METTL15: variants seen among roughly 807,000 people sequenced by gnomAD.
METTL15 encodes 12S rRNA N(4)-cytidine methyltransferase METTL15.
A neutral mutation model predicts 38.3 loss-of-function variants in METTL15; 34 were observed. That is an observed-to-expected ratio of 0.89 (90% CI 0.68 to 1.18). METTL15 has a LOEUF of 1.18. Ranked by LOEUF, METTL15 falls within the 50% of genes most tolerant of loss-of-function variation. METTL15 has a pLI of 0.00. For missense variants in METTL15, 438 were observed against 498.4 expected, an observed-to-expected ratio of 0.88 and a Z score of 1.15; for synonymous variants, 162 against 170.9, an observed-to-expected ratio of 0.95 and a Z score of 0.41.
intron 4 of METTL15, among the ~76,000 whole-genome samples, chr11:28,241,770 G>C (rs1854310183): frequency 1.3e-5 from 2 of 152,130 alleles, no homozygotes; most frequent in South Asian, 4.1e-4. Context: ...TACCACATGT[G>C]CCTGGTTTCA....
chr11:28,123,205 T>C (rs1333059536), intron 3 of METTL15, among the ~76,000 whole-genome samples: 1 of 152,148 alleles, frequency 6.6e-6, no homozygotes, highest in Non-Finnish European at 1.5e-5. Flanking sequence ...TCCTCAGTAC[T>C]TGTTACTCTC....
chr11:28,431,776 T>TA (rs34283925), intron 6 of METTL15, among the ~76,000 whole-genome samples: 24,758 of 50,676 alleles, frequency 0.49, 5,148 homozygotes, highest in African/African-American at 0.65. Context: ...GAATTATCAA[T>TA]AAAAAAATAA....
chr11:28,251,635 A>G (rs554536890), intron 4 of METTL15, among the ~76,000 whole-genome samples: 7 of 152,032 alleles, frequency 4.6e-5, no homozygotes, highest in Admixed American at 2.0e-4. Flanking sequence ...TAGCCAATCT[A>G]TTCAACACAG....
At chr11:28,168,092 A>C (rs1483858) in intron 3 of METTL15, among the ~76,000 whole-genome samples, 9 of 151,710 alleles carry the variant, frequency 5.9e-5, no homozygotes, top group Non-Finnish European at 1.2e-4. Context: ...TCAGTTTTTT[A>C]CTTTCTTTTT....
chr11:28,188,823 A>G (rs1339427478), intron 3 of METTL15, among the ~76,000 whole-genome samples: 1 of 151,220 alleles, frequency 6.6e-6, no homozygotes, highest in Non-Finnish European at 1.5e-5. Flanking sequence ...CTCTTCTTAT[A>G]CTGGAAAGTG....
chr11:28,124,015 C>G, intron 3 of METTL15: 1 of 551,452 alleles, frequency 1.8e-6, no homozygotes, highest in Non-Finnish European at 2.8e-6. Context: ...ATATTATTGA[C>G]TGTGCTTTTC....
chr11:28,495,815 A>G (rs944425489), intron 6 of METTL15, among the ~76,000 whole-genome samples: 1 of 152,150 alleles, frequency 6.6e-6, no homozygotes, highest in African/African-American at 2.4e-5. Flanking sequence ...TCCAGGCCTA[A>G]AGAAGAGACT....
In METTL15 at chr11:28,420,188, C is replaced by T. The variant is rs144464819; in HGVS notation, c.*359-4111C>T. 7.9e-3 allele frequency among the ~76,000 whole-genome samples: 1,194 copies of T among 152,100 alleles called. 14 individuals carry two copies. The highest frequency in any genetic ancestry group is 0.014 in the East Asian group (75 of 5,180). The stretch of plus-strand genomic sequence containing the variant: ...AAGTACAAGAAAGTTAAAATATATA[C>T]GCACCAACACTGGAACACCCAGATA... On this transcript the variant is annotated intron_variant and NMD_transcript_variant, in intron 5 of 7. Coordinates refer to the METTL15 transcript ENST00000532947.
At chr11:28,498,966 A>G (rs954347901) in intron 6 of METTL15, among the ~76,000 whole-genome samples, 1 of 152,244 alleles carries the variant, frequency 6.6e-6, no homozygotes, top group Admixed American at 6.5e-5. Flanking sequence ...CAGGGTCTAG[A>G]GCTTGACTGC....
chr11:28,236,366 A>C (rs1853972166), intron 4 of METTL15, among the ~76,000 whole-genome samples: 1 of 152,188 alleles, frequency 6.6e-6, no homozygotes, highest in Non-Finnish European at 1.5e-5. Flanking sequence ...TGATTGGAAT[A>C]GTTTCAGAAG....
At chr11:28,233,060 T>G (rs1853756577) in intron 4 of METTL15, among the ~76,000 whole-genome samples, 1 of 152,096 alleles carries the variant, frequency 6.6e-6, no homozygotes, top group Non-Finnish European at 1.5e-5. Flanking sequence ...TTTTAAATTA[T>G]GCCCTTAACA....
chr11:28,358,091 C>T (rs1223854600), intron 4 of METTL15, among the ~76,000 whole-genome samples: 2 of 152,016 alleles, frequency 1.3e-5, no homozygotes, highest in African/African-American at 4.8e-5. Context: ...ACATTGAAAG[C>T]ATGAGAAGTA....
intron 6 of METTL15, among the ~76,000 whole-genome samples, chr11:28,494,664 A>G (rs1167279173): frequency 6.6e-6 from 1 of 152,128 alleles, no homozygotes; most frequent in Non-Finnish European, 1.5e-5. Context: ...GTGGGAGGTA[A>G]TTGTATCACG....
At chr11:28,321,331 T>A (rs1849460098) in intron 6 of METTL15, among the ~76,000 whole-genome samples, 1 of 152,144 alleles carries the variant, frequency 6.6e-6, no homozygotes, top group Non-Finnish European at 1.5e-5. Context: ...ATAAAAAAAG[T>A]GAATGATCTG....
At chr11:28,347,944 A>T (rs148811616) in intron 3 of METTL15, among the ~76,000 whole-genome samples, 1 of 152,198 alleles carries the variant, frequency 6.6e-6, no homozygotes, top group African/African-American at 2.4e-5. Context: ...CAACATATCC[A>T]TCAACTTGAG....
At chr11:28,405,672 G>A (rs1850667470) in intron 5 of METTL15, among the ~76,000 whole-genome samples, 1 of 152,064 alleles carries the variant, frequency 6.6e-6, no homozygotes. Flanking sequence ...CTATACCTCA[G>A]AACACTTTTG....
chr11:28,521,153 T>C (rs1010294002), intron 6 of METTL15, among the ~76,000 whole-genome samples: 2 of 152,214 alleles, frequency 1.3e-5, no homozygotes, highest in African/African-American at 4.8e-5. Flanking sequence ...TATTCAGAAT[T>C]ACAACCTGAG....
At chr11:28,424,102 C>T (rs557858698) in intron 5 of METTL15, among the ~76,000 whole-genome samples, 1 of 152,118 alleles carries the variant, frequency 6.6e-6, no homozygotes, top group East Asian at 1.9e-4. Context: ...TATGTTCTCC[C>T]TACTGACATC....
intron 4 of METTL15, among the ~76,000 whole-genome samples, chr11:28,242,696 A>G (rs984639974): frequency 6.6e-6 from 1 of 152,148 alleles, no homozygotes; most frequent in African/African-American, 2.4e-5. Context: ...AACAGTTTGA[A>G]GCATTAGGAA....
Sources: allele counts gnomAD v4.1 joint callset (sites outside exome capture counted in the v4.1 genomes callset), GRCh38; gene constraint gnomAD v4.1.1; transcripts MANE v1.5; gene names NCBI Gene and HGNC (gene_info 2026-07-23, HGNC 2026-07-21).